CXXC4: variants seen among roughly 807,000 people sequenced by gnomAD.
CXXC4 encodes the protein CXXC finger protein 4, also known as CXXC-type zinc finger protein 4.
A neutral mutation model predicts 20.5 loss-of-function variants in CXXC4; 5 were observed. The ratio of observed to expected loss-of-function variants is 0.24; its 90% CI spans 0.13 to 0.51. The LOEUF (loss-of-function observed/expected upper bound fraction) is 0.51, where lower values mean the gene tolerates loss of function less well. CXXC4 is among the 20% of genes least tolerant of loss of function. CXXC4 has a pLI of 0.97. For synonymous variants in CXXC4, 250 were observed against 216.4 expected (o/e 1.16, Z -1.36); for missense variants, 419 against 496.4 (o/e 0.84, Z 1.48).
chr4:104,491,366 G>A lies in CXXC4; in HGVS notation c.437C>T (p.Ala146Val), dbSNP rs767877440. The A allele has an allele frequency of 1.4e-6, 2 of 1,439,334 alleles. No homozygotes were observed. 89.2% of individuals were successfully genotyped at this position (1,439,334 alleles called of 1,614,324 possible). The change falls in exon 2 of 3, where the codon GCC becomes GTC. Residue 146 changes from alanine (A) to valine (V), a missense_variant. Around this residue, in one of 3 missense-constraint regions of CXXC4, gnomAD observed 388 missense variants for 416.0 expected, o/e 0.93. Coordinates refer to ENST00000394767, the MANE Select transcript of CXXC4 (RefSeq NM_025212.4). ...KSSSAAASSSASSSSAILPAG... is the reference protein window; with the variant it reads ...KSSSAAASSSVSSSSAILPAG... ...GGGGAGGATCGCCGAGGAGGAGGAGGCGGAGGAGGAGGCGGCGGCGGAGGA... is the reference window on the plus strand; with the variant it reads ...GGGGAGGATCGCCGAGGAGGAGGAGACGGAGGAGGAGGCGGCGGCGGAGGA...
At chr4:104,480,516 T>C (rs1249940840) in intron 2 of CXXC4, among the ~76,000 whole-genome samples, 1 of 152,142 alleles carries the variant, frequency 6.6e-6, no homozygotes, top group Non-Finnish European at 1.5e-5. Context: ...TCTATGTTTC[T>C]AATTGCAGAT....
intron 2 of CXXC4, among the ~76,000 whole-genome samples, chr4:104,481,133 T>C (rs1396191835): frequency 2.6e-5 from 4 of 152,204 alleles, no homozygotes; most frequent in Non-Finnish European, 5.9e-5. Flanking sequence ...CAAGGAATCC[T>C]AAGGCTTTTA....
chr4:104,476,136 CCAAGTA>C (rs1263870730), intron 2 of CXXC4, among the ~76,000 whole-genome samples: 1 of 151,952 alleles, frequency 6.6e-6, no homozygotes, highest in African/African-American at 2.4e-5. Context: ...AAACCTAAGT[CCAAGTA>C]CATTTTATAT....
intron 2 of CXXC4, among the ~76,000 whole-genome samples, chr4:104,486,799 C>T (rs1412336373): frequency 6.6e-6 from 1 of 152,106 alleles, no homozygotes; most frequent in Non-Finnish European, 1.5e-5. Flanking sequence ...GTTTGAGTGA[C>T]ACACCTATTT....
In CXXC4 at chr4:104,486,411, T is replaced by C. The variant is rs1260139086; in HGVS notation, c.1059+4333A>G. On this transcript the variant is annotated intron_variant, in intron 2 of 2. Transcript: ENST00000394767. ...ATTCATTTGTGGCTTTAGTCAAAGA[T>C]AAAATTTTCCAAGCTTTTTCCTTAT... 2.0e-5 allele frequency among the ~76,000 whole-genome samples: 3 copies of C among 152,074 alleles called. No homozygotes were observed. The East Asian group carries it at 5.8e-4, about 29-fold the overall frequency.
Position 104,491,145 on chromosome 4 carries a change from C to T in CXXC4, c.658G>A (p.Gly220Ser). The part of the protein sequence containing the change: ...AGECMNKLKC[G>S]AAEAEIMNLP... ...TTCATTATCTCTGCTTCAGCAGCGC[C>T]GCATTTGAGCTTGTTCATGCATTCC... The change falls in exon 2 of 3, where the codon GGC becomes AGC. Residue 220 changes from glycine (G) to serine (S), a missense_variant. Physicochemically the swap from Gly to Ser is moderately conservative, Grantham distance 56 (BLOSUM62 0). Around this residue, in one of 3 missense-constraint regions of CXXC4, gnomAD observed 388 missense variants for 416.0 expected, o/e 0.93. Coordinates refer to ENST00000394767, the MANE Select transcript of CXXC4 (RefSeq NM_025212.4). 6.2e-7 allele frequency: 1 copy of T among 1,613,990 alleles called. No individual in the cohort carries two copies. Among genetic ancestry groups the T allele is most frequent in the Non-Finnish European group, 8.5e-7 (1 of 1,179,992 alleles).
At chr4:104,480,320 C>G (rs1266112143) in intron 2 of CXXC4, among the ~76,000 whole-genome samples, 1 of 152,106 alleles carries the variant, frequency 6.6e-6, no homozygotes, top group South Asian at 2.1e-4. Flanking sequence ...TGATATCCTT[C>G]TCATCATCAT....
chr4:104,494,012 T>C (rs1360092272), intron 1 of CXXC4, among the ~76,000 whole-genome samples: 1 of 152,138 alleles, frequency 6.6e-6, no homozygotes, highest in African/African-American at 2.4e-5. Flanking sequence ...ACACAAGCTT[T>C]CCTTGCTTTT....
chr4:104,482,545 C>G (rs1736582327), intron 2 of CXXC4, among the ~76,000 whole-genome samples: 1 of 152,058 alleles, frequency 6.6e-6, no homozygotes, highest in Non-Finnish European at 1.5e-5. Context: ...TTAAGATCAC[C>G]ACTTATCTAA....
In CXXC4 at chr4:104,472,173, T is replaced by TC; in HGVS notation, c.*148_*149insG. 1 of 72,084 alleles carries TC rather than the reference T, an allele frequency of 1.4e-5. No individual in the cohort carries two copies. Among genetic ancestry groups the TC allele is most frequent in the Non-Finnish European group, 2.4e-5 (1 of 41,086 alleles). The allele number at this position is 72,084 out of a possible 1,614,324, so 4.5% of individuals were successfully genotyped here. ...TATGTCTTTTTCTTTTCTTTTCCTC[T>TC]TTTTTTTTTTTTTTGAAGAAAGCCC... On this transcript the variant is annotated 3_prime_UTR_variant, in exon 3 of 3. Transcript: ENST00000394767.
intron 2 of CXXC4, among the ~76,000 whole-genome samples, chr4:104,485,897 AAT>A (rs1210602925): frequency 6.6e-6 from 1 of 152,158 alleles, no homozygotes; most frequent in African/African-American, 2.4e-5. Context: ...GACTAAACAA[AAT>A]ATAGAGAAAT....
At position 104,491,369 on chromosome 4, in the gene CXXC4, G is replaced by A. The variant is rs756585089; in HGVS notation, c.434C>T (p.Ser145Phe). The change falls in exon 2 of 3, where the codon TCC becomes TTC. Residue 145 changes from serine (S) to phenylalanine (F), a missense_variant. Physicochemically the swap from Ser to Phe is radical, Grantham distance 155. This residue lies in a region of CXXC4 where 388 missense variants were observed against 416.0 expected (regional missense o/e 0.93). Transcript: ENST00000394767. ...GAGGATCGCCGAGGAGGAGGAGGCGGAGGAGGAGGCGGCGGCGGAGGAGGA... is the reference window on the plus strand; with the variant it reads ...GAGGATCGCCGAGGAGGAGGAGGCGAAGGAGGAGGCGGCGGCGGAGGAGGA... ...RKSSSAAASSSASSSSAILPA... is the reference protein window; with the variant it reads ...RKSSSAAASSFASSSSAILPA... 1.1e-5 allele frequency: 15 copies of A among 1,417,948 alleles called. No homozygotes were observed. The highest frequency in any genetic ancestry group is 1.4e-5 in the Non-Finnish European group (15 of 1,088,170). The allele number at this position is 1,417,948 out of a possible 1,614,324, so 87.8% of individuals were successfully genotyped here.
At chr4:104,493,971 C>CT (rs1736974357) in intron 1 of CXXC4, among the ~76,000 whole-genome samples, 2 of 152,048 alleles carry the variant, frequency 1.3e-5, no homozygotes, top group South Asian at 2.1e-4. Flanking sequence ...TTTAACGTCC[C>CT]TTTTTTAGAG....
At chr4:104,487,178 C>T (rs1326585760) in intron 2 of CXXC4, among the ~76,000 whole-genome samples, 1 of 152,128 alleles carries the variant, frequency 6.6e-6, no homozygotes, top group African/African-American at 2.4e-5. Context: ...ATAACCTGCT[C>T]TCTCTAGTTT....
rs1452570947 is a variant in CXXC4, at chr4:104,491,370, AGGAGGAGGCGGCGGC to A, written c.418_432del (p.Ala140_Ser144del). The A allele has an allele frequency of 8.6e-6, 12 of 1,392,708 alleles. No homozygotes were observed. Among genetic ancestry groups the A allele is most frequent in the Non-Finnish European group, 1.0e-5 (11 of 1,074,378 alleles). The allele number at this position is 1,392,708 out of a possible 1,614,324, so 86.3% of individuals were successfully genotyped here. A position where few individuals can be genotyped will look rare whatever the true frequency, so the allele number is the denominator to read the frequency against. On this transcript the variant is annotated inframe_deletion, in exon 2 of 3. Transcript: ENST00000394767. ...AGGATCGCCGAGGAGGAGGAGGCGG[AGGAGGAGGCGGCGGC>A]GGAGGAGGATTTCCTGCCGCCCCCA...
rs921488516 is a variant in CXXC4 at position 104,470,454 on chromosome 4, T to C, written c.*1868A>G. On this transcript the variant is annotated 3_prime_UTR_variant, in exon 3 of 3. Transcript: ENST00000394767. The stretch of plus-strand genomic sequence containing the variant: ...CACTTGATTTTCAAATTGGCATGTG[T>C]GCATGCTTTGTCCACCCTCCCCCAG... 5 of 152,058 alleles carry C rather than the reference T, an allele frequency of 3.3e-5. No homozygotes were observed. Among genetic ancestry groups the C allele is most frequent in the African/African-American group, 7.2e-5 (3 of 41,428 alleles). 9.4% of individuals were successfully genotyped at this position (152,058 alleles called of 1,614,324 possible).
chr4:104,474,854 T>C (rs1315865877), intron 2 of CXXC4, among the ~76,000 whole-genome samples: 1 of 152,118 alleles, frequency 6.6e-6, no homozygotes, highest in Non-Finnish European at 1.5e-5. Flanking sequence ...GAAGTCCTTA[T>C]GTCTTAGATA....
intron 2 of CXXC4, among the ~76,000 whole-genome samples, chr4:104,488,780 G>C (rs1194228432): frequency 6.6e-6 from 1 of 152,202 alleles, no homozygotes; most frequent in African/African-American, 2.4e-5. Context: ...ATAGAAACTT[G>C]TGCAGAAAAC....
intron 2 of CXXC4, among the ~76,000 whole-genome samples, chr4:104,488,236 C>A (rs1374192142): frequency 6.6e-6 from 1 of 152,142 alleles, no homozygotes; most frequent in Non-Finnish European, 1.5e-5. Context: ...AAAACATTTT[C>A]CCAGATGAGG....
Sources: gnomAD v4.1 joint callset for allele counts (sites outside exome capture counted in the v4.1 genomes callset) on GRCh38, gnomAD v4.1.1 for gene constraint, gnomAD v4.1.1 regional missense constraint, MANE v1.5 for transcripts, NCBI Gene and HGNC (gene_info 2026-07-23, HGNC 2026-07-21) for gene names.